The following ACVR1C variants were observed in gnomAD, a reference collection of about 807,000 sequenced individuals.
ACVR1C encodes activin receptor type-1C.
Under a neutral mutation model 57.9 loss-of-function variants are expected in ACVR1C, and 23 were observed. That is an observed-to-expected ratio of 0.40 (90% CI 0.29 to 0.56). The LOEUF is 0.56. Ranked by LOEUF, ACVR1C falls within the 20% of genes least tolerant of loss-of-function variation. ACVR1C has a pLI of 0.50. For synonymous variants in ACVR1C, 214 were observed against 215.3 expected (o/e 0.99, Z 0.05); for missense variants, 480 against 607.9 (o/e 0.79, Z 2.21).
intron 1 of ACVR1C, among the ~76,000 whole-genome samples, chr2:157,595,995 C>T (rs1391958107): frequency 6.6e-6 from 1 of 152,232 alleles, no homozygotes; most frequent in African/African-American, 2.4e-5. Flanking sequence ...AGAATGAAAA[C>T]TTCATGAGGG....
intron 1 of ACVR1C, among the ~76,000 whole-genome samples, chr2:157,596,802 C>T (rs954335826): frequency 6.6e-6 from 1 of 152,140 alleles, no homozygotes; most frequent in Non-Finnish European, 1.5e-5. Flanking sequence ...TACTTTACTA[C>T]ATGCCAAACT....
chr2:157,565,091 T>C lies in ACVR1C; in HGVS notation c.305-8759A>G, dbSNP rs536007738. On this transcript the variant is annotated intron_variant, in intron 2 of 8. Coordinates refer to ENST00000243349, the MANE Select transcript of ACVR1C (RefSeq NM_145259.3). Reference sequence around the variant, plus strand: ...TATACCTATGTAACAAACCTGCCCGTTCTGTACATGTATCCCAGAATTTAA... The same window carrying C: ...TATACCTATGTAACAAACCTGCCCGCTCTGTACATGTATCCCAGAATTTAA... Among the ~76,000 whole-genome samples the C allele has an allele frequency of 1.6e-3, 243 of 152,170 alleles. 1 individual carries two copies. The highest frequency in any genetic ancestry group is 5.7e-3 in the African/African-American group (238 of 41,504).
rs963998309 is a variant in ACVR1C, at chr2:157,628,679, C to A, written c.-35G>T. 1.4e-5 allele frequency: 21 copies of A among 1,524,030 alleles called. No homozygotes were observed. The highest frequency in any genetic ancestry group is 1.8e-5 in the Non-Finnish European group (21 of 1,138,298). The allele number at this position is 1,524,030 out of a possible 1,614,324, so 94.4% of individuals were successfully genotyped here. ...GCGGCCGCGCCGGGGCTGCGAGGCC[C>A]CAGAGCAGAGCGAGGCAGCCGGGGC... is the stretch of plus-strand genomic sequence containing the variant. On this transcript the variant is annotated 5_prime_UTR_variant, in exon 1 of 9. Coordinates refer to ENST00000243349, the MANE Select transcript of ACVR1C (RefSeq NM_145259.3).
intron 1 of ACVR1C, among the ~76,000 whole-genome samples, chr2:157,604,230 A>G (rs1442566445): frequency 6.6e-6 from 1 of 151,986 alleles, no homozygotes; most frequent in Admixed American, 6.6e-5. Flanking sequence ...TTTGACAACT[A>G]CAATTCCATA....
chr2:157,579,682 G>T (rs1688740202), intron 2 of ACVR1C, among the ~76,000 whole-genome samples: 1 of 152,104 alleles, frequency 6.6e-6, no homozygotes. Context: ...TGTATGCTTG[G>T]TTATTGGAAG....
chr2:157,532,378 T>G lies in ACVR1C; in HGVS notation c.*1540A>C, dbSNP rs931146848. The G allele has an allele frequency of 6.6e-5, 10 of 151,788 alleles. No individual in the cohort carries two copies. The highest frequency in any genetic ancestry group is 6.2e-4 in the South Asian group (3 of 4,820). The allele number at this position is 151,788 out of a possible 1,614,324, so 9.4% of individuals were successfully genotyped here. On this transcript the variant is annotated 3_prime_UTR_variant, in exon 9 of 9. Coordinates refer to ENST00000243349, the MANE Select transcript of ACVR1C (RefSeq NM_145259.3). ...GCATTTCTTTACTGTTATTAGTTTTTTTTTTTTTTTTTACTGTTATCAATA... is the reference window on the plus strand; with the variant it reads ...GCATTTCTTTACTGTTATTAGTTTTGTTTTTTTTTTTTACTGTTATCAATA...
chr2:157,597,113 G>C (rs1028476451), intron 1 of ACVR1C, among the ~76,000 whole-genome samples: 1 of 152,136 alleles, frequency 6.6e-6, no homozygotes, highest in African/African-American at 2.4e-5. Flanking sequence ...CCTCTCAGTA[G>C]TCCTCCAAGA....
chr2:157,555,251 T>C (rs978057903), intron 3 of ACVR1C, among the ~76,000 whole-genome samples: 20 of 151,174 alleles, frequency 1.3e-4, no homozygotes, highest in African/African-American at 4.9e-4. Context: ...CCCGAGTAGC[T>C]GGGACTACAG....
At chr2:157,599,409 C>T (rs982070041) in intron 1 of ACVR1C, among the ~76,000 whole-genome samples, 3 of 147,484 alleles carry the variant, frequency 2.0e-5, no homozygotes, top group South Asian at 2.2e-4. Flanking sequence ...TAATGGCAGA[C>T]CAGGTGTCTA....
At chr2:157,562,885 T>C (rs867206807) in intron 2 of ACVR1C, among the ~76,000 whole-genome samples, 1 of 152,132 alleles carries the variant, frequency 6.6e-6, no homozygotes, top group Non-Finnish European at 1.5e-5. Context: ...ATTATCTCAA[T>C]AGAAGCAGAA....
In ACVR1C at chr2:157,594,733, G is replaced by A. The variant is rs372959911; in HGVS notation, c.74-7316C>T. Among the ~76,000 whole-genome samples the A allele has an allele frequency of 3.9e-5, 6 of 152,068 alleles. No homozygotes were observed. The South Asian group carries it at 1.3e-3, about 32-fold the overall frequency. On this transcript the variant is annotated intron_variant, in intron 1 of 8. Coordinates refer to ENST00000243349, the MANE Select transcript of ACVR1C (RefSeq NM_145259.3). Reference sequence around the variant, plus strand: ...TAGTGTCCACAGGATTACAGAAATAGTATGCAAGACCAAAAGCGACTCAAA... The same window carrying A: ...TAGTGTCCACAGGATTACAGAAATAATATGCAAGACCAAAAGCGACTCAAA...
Position 157,542,819 on chromosome 2 carries a change from G to C in ACVR1C, c.987C>G (p.Ile329Met). 6.2e-7 allele frequency: 1 copy of C among 1,613,986 alleles called. No homozygotes were observed. Among genetic ancestry groups the C allele is most frequent in the East Asian group, 2.2e-5 (1 of 44,868 alleles). Residue 329 changes from isoleucine to methionine, a missense_variant, in exon 6 of 9, where the codon ATC (isoleucine) becomes ATG (methionine). By Grantham distance (10) the Ile-to-Met change is conservative (BLOSUM62 1). Transcript: ENST00000243349. ...IAHRDIKSKN[I>M]LVKKCETCAI... ...CACAAGTTTCACACTTTTTCACTAA[G>C]ATATTCTTTGATTTTATGTCTCGAT...
At position 157,538,991 on chromosome 2, in the gene ACVR1C, A is replaced by T. The variant is rs539214007; in HGVS notation, c.1226-288T>A. Among the ~76,000 whole-genome samples, 498 of 148,644 alleles carry T rather than the reference A, an allele frequency of 3.4e-3. 2 individuals are homozygous for T. The highest frequency in any genetic ancestry group is 0.011 in the African/African-American group (462 of 40,978). On this transcript the variant is annotated intron_variant, in intron 7 of 8. Transcript: ENST00000243349. ...TAACACATAATTTTATAATTATATA[A>T]TATATAACATTTCTATAATTGTATA...
chr2:157,554,287 G>GAAAGAAAGAAAGAAAGAAAGAAAGGAAA (rs1558975256), intron 3 of ACVR1C, among the ~76,000 whole-genome samples: 3 of 126,232 alleles, frequency 2.4e-5, no homozygotes, highest in African/African-American at 1.1e-4. Context: ...AAGGAAGAGA[G>GAAAGAAAGAAAGAAAGAAAGAAAGGAAA]AGAGAGAGAG....
At chr2:157,585,075 C>G (rs1688883670) in intron 2 of ACVR1C, among the ~76,000 whole-genome samples, 1 of 152,118 alleles carries the variant, frequency 6.6e-6, no homozygotes, top group Admixed American at 6.5e-5. Context: ...GATCAGTGGT[C>G]TAGCCCTGGT....
At chr2:157,576,408 G>A (rs1254183853) in intron 2 of ACVR1C, among the ~76,000 whole-genome samples, 2 of 151,890 alleles carry the variant, frequency 1.3e-5, no homozygotes, top group Non-Finnish European at 2.9e-5. Context: ...ATTTCACCAT[G>A]TTGGCCAGGC....
At chr2:157,572,455 GA>G (rs1688538410) in intron 2 of ACVR1C, among the ~76,000 whole-genome samples, 1 of 151,436 alleles carries the variant, frequency 6.6e-6, no homozygotes, top group Non-Finnish European at 1.5e-5. Flanking sequence ...TGCTCACTTG[GA>G]AAAAACTGAT....
At chr2:157,577,102 G>C (rs1351565718) in intron 2 of ACVR1C, among the ~76,000 whole-genome samples, 1 of 43,242 alleles carries the variant, frequency 2.3e-5, no homozygotes, top group Non-Finnish European at 5.3e-5. Flanking sequence ...TGATCCACCC[G>C]CCTCGGCCTC....
rs1688831217 is a variant in ACVR1C at position 157,583,127 on chromosome 2, C to CT, written c.304+4059dup. Among the ~76,000 whole-genome samples the CT allele has an allele frequency of 2.0e-5, 3 of 152,200 alleles. 1 individual carries two copies. The South Asian group carries it at 6.2e-4, about 31-fold the overall frequency. ...CTGCCCACCGTAGCCTCCCAAAGTG[C>CT]TGGGACTACAGGCATGAGCCACTGC... On this transcript the variant is annotated intron_variant, in intron 2 of 8. Transcript: ENST00000243349.
Sources: allele counts gnomAD v4.1 joint callset (sites outside exome capture counted in the v4.1 genomes callset), GRCh38; gene constraint gnomAD v4.1.1; transcripts MANE v1.5; gene names NCBI Gene and HGNC (gene_info 2026-07-23, HGNC 2026-07-21).